ROR1: variants seen among roughly 807,000 people sequenced by gnomAD.
The protein encoded by ROR1 is inactive tyrosine-protein kinase transmembrane receptor ROR1.
ROR1 carries 19 observed loss-of-function variants against 78.8 expected under a neutral mutation model. The observed-to-expected ratio is 0.24, with a 90% CI of 0.17 to 0.35. ROR1 has a LOEUF of 0.35. ROR1 is among the 10% of genes least tolerant of loss of function. The probability of loss-of-function intolerance (pLI) is 1.00; values close to 1 mark genes in which losing one functional copy is unlikely to be tolerated. For synonymous variants in ROR1, 386 were observed against 433.6 expected (o/e 0.89, Z 1.36); for missense variants, 917 against 1,177.8 (o/e 0.78, Z 3.24).
chr1:64,134,261 A>G (rs1649026249), intron 4 of ROR1, among the ~76,000 whole-genome samples: 1 of 152,182 alleles, frequency 6.6e-6, no homozygotes, highest in Non-Finnish European at 1.5e-5. Flanking sequence ...TTTTGTAAGT[A>G]TATAAAACTT....
At chr1:63,802,071 A>T (rs1644800847) in intron 1 of ROR1, among the ~76,000 whole-genome samples, 1 of 152,188 alleles carries the variant, frequency 6.6e-6, no homozygotes, top group South Asian at 2.1e-4. Context: ...GGAGGAGGTT[A>T]TTTTTATTTC....
chr1:64,079,475 T>C (rs985948434), intron 4 of ROR1, among the ~76,000 whole-genome samples: 2 of 151,488 alleles, frequency 1.3e-5, no homozygotes, highest in Non-Finnish European at 2.9e-5. Flanking sequence ...TTGGGATTTT[T>C]TTTTTTTCTT....
intron 8 of ROR1, among the ~76,000 whole-genome samples, chr1:64,174,846 C>CTGGT (rs1274025326): frequency 6.6e-6 from 1 of 152,042 alleles, no homozygotes; most frequent in Non-Finnish European, 1.5e-5. Flanking sequence ...GTTGGCTCAA[C>CTGGT]TGGTTACCTT....
At chr1:64,156,121 G>A (rs536301351) in intron 7 of ROR1, among the ~76,000 whole-genome samples, 70 of 152,312 alleles carry the variant, frequency 4.6e-4, no homozygotes, top group Non-Finnish European at 8.7e-4. Context: ...TAAGGGTAAA[G>A]GGTAAACATT....
chr1:63,952,286 TG>T (rs113652205), intron 1 of ROR1, among the ~76,000 whole-genome samples: 3,971 of 152,228 alleles, frequency 0.026, 173 homozygotes, highest in African/African-American at 0.091. Flanking sequence ...AGGAACATGC[TG>T]GGCCTTTTCG....
At chr1:63,920,880 C>T (rs1170321238) in intron 1 of ROR1, among the ~76,000 whole-genome samples, 3 of 152,186 alleles carry the variant, frequency 2.0e-5, no homozygotes, top group Non-Finnish European at 4.4e-5. Context: ...AGGAAGGCAG[C>T]TACCTTCATG....
rs1328563352 is a variant in ROR1 at position 64,178,504 on chromosome 1, A to T, written c.2463A>T (p.Gly821=). 1 of 1,614,176 alleles carries T rather than the reference A, an allele frequency of 6.2e-7. No individual in the cohort carries two copies. The highest frequency in any genetic ancestry group is 1.1e-5 in the South Asian group (1 of 91,084). ...ACCAGCGATTCATTCCCATCAATGG[A>T]TACCCAATACCTCCTGGATATGCAG... ...PQNQRFIPIN[G]YPIPPGYAAF... Residue 821 remains glycine, a synonymous_variant, in exon 9 of 9, where the codon GGA becomes GGT. Transcript: ENST00000371079. This position sits in a 1 kb window ranked among gnomAD's most constrained non-coding sequence, Gnocchi z 4.3.
chr1:64,049,295 G>C (rs1395855335), intron 2 of ROR1, among the ~76,000 whole-genome samples: 1 of 152,156 alleles, frequency 6.6e-6, no homozygotes, highest in Non-Finnish European at 1.5e-5. Context: ...AAACTGGAAG[G>C]ATGTTTGCCA....
At chr1:63,890,367 C>T (rs1645385554) in intron 1 of ROR1, among the ~76,000 whole-genome samples, 1 of 151,044 alleles carries the variant, frequency 6.6e-6, no homozygotes, top group South Asian at 2.1e-4. Flanking sequence ...TCATTCTACT[C>T]ATTTACTCAT....
At chr1:64,020,576 T>A (rs1351210680) in intron 2 of ROR1, among the ~76,000 whole-genome samples, 1 of 152,102 alleles carries the variant, frequency 6.6e-6, no homozygotes, top group Non-Finnish European at 1.5e-5. Flanking sequence ...AAATAAGACT[T>A]ATCCTGGAAT....
intron 1 of ROR1, among the ~76,000 whole-genome samples, chr1:63,905,921 T>G (rs1377367142): frequency 6.6e-6 from 1 of 152,292 alleles, no homozygotes; most frequent in East Asian, 1.9e-4. Flanking sequence ...CATAAAATAA[T>G]GTACTTGAGG....
At chr1:63,883,532 G>T (rs919338628) in intron 1 of ROR1, among the ~76,000 whole-genome samples, 1 of 152,110 alleles carries the variant, frequency 6.6e-6, no homozygotes, top group African/African-American at 2.4e-5. Context: ...TAACCTGGAG[G>T]ACAAGACACA....
chr1:64,048,883 G>C (rs182578324), intron 2 of ROR1, among the ~76,000 whole-genome samples: 1 of 152,200 alleles, frequency 6.6e-6, no homozygotes, highest in Admixed American at 6.5e-5. Flanking sequence ...GGAGGGAGTG[G>C]TTGGGAGCAG....
In ROR1 at chr1:64,142,562, C is replaced by T. The variant is rs1557671988; in HGVS notation, c.1086C>T (p.Cys362=). Residue 362 remains cysteine (C), a synonymous_variant, in exon 7 of 9, where the codon TGC becomes TGT. Coordinates refer to ENST00000371079, the MANE Select transcript of ROR1 (RefSeq NM_005012.4). The part of the protein sequence containing the change: ...FPELNGGHSY[C]RNPGNQKEAP... The stretch of plus-strand genomic sequence containing the variant: ...AGCTGAATGGAGGCCATTCCTACTG[C>T]CGCAACCCAGGGAATCAAAAGGAAG... 8 of 1,614,170 alleles carry T rather than the reference C, an allele frequency of 5.0e-6. No homozygotes were observed. Among genetic ancestry groups the T allele is most frequent in the Non-Finnish European group, 6.8e-6 (8 of 1,180,034 alleles).
At chr1:63,941,703 C>T (rs1340672719) in intron 1 of ROR1, among the ~76,000 whole-genome samples, 1 of 152,178 alleles carries the variant, frequency 6.6e-6, no homozygotes, top group Non-Finnish European at 1.5e-5. Context: ...CCCTTCCATA[C>T]CTCCAGGGCT....
At chr1:64,039,998 A>G (rs1646733481) in intron 2 of ROR1, among the ~76,000 whole-genome samples, 2 of 152,206 alleles carry the variant, frequency 1.3e-5, no homozygotes, top group African/African-American at 4.8e-5. Flanking sequence ...TTACTAAGTT[A>G]TAGTGAAGCA....
At chr1:63,999,820 A>G (rs1267676406) in intron 1 of ROR1, among the ~76,000 whole-genome samples, 3 of 152,170 alleles carry the variant, frequency 2.0e-5, no homozygotes, top group Non-Finnish European at 4.4e-5. Context: ...CTAATATACT[A>G]TGGCTTTAGG....
chr1:63,837,723 G>A (rs1438749108), intron 1 of ROR1, among the ~76,000 whole-genome samples: 2 of 152,118 alleles, frequency 1.3e-5, no homozygotes, highest in African/African-American at 4.8e-5. Context: ...TGGGAGGCTG[G>A]AGTAGGAGGA....
At chr1:64,016,962 G>T (rs1187033270) in intron 2 of ROR1, among the ~76,000 whole-genome samples, 1 of 151,772 alleles carries the variant, frequency 6.6e-6, no homozygotes, top group Non-Finnish European at 1.5e-5. Flanking sequence ...CTGTCGCCCA[G>T]GCTGGAGTCC....
Sources: gnomAD v4.1 joint callset for allele counts (sites outside exome capture counted in the v4.1 genomes callset) on GRCh38, gnomAD v4.1.1 for gene constraint, Gnocchi (gnomAD v3.1) non-coding constraint, MANE v1.5 for transcripts, NCBI Gene and HGNC (gene_info 2026-07-23, HGNC 2026-07-21) for gene names.